The following VSTM4 variants were observed in gnomAD, a reference collection of about 807,000 sequenced individuals.
VSTM4 encodes V-set and transmembrane domain containing 4.
VSTM4 carries 20 observed loss-of-function variants against 36.4 expected under a neutral mutation model. The ratio of observed to expected loss-of-function variants is 0.55; its 90% CI spans 0.39 to 0.80. The LOEUF (loss-of-function observed/expected upper bound fraction) is 0.80, where lower values mean the gene tolerates loss of function less well. Among genes scored for constraint, VSTM4 ranks in the 30% least tolerant of loss-of-function variants. The pLI is 0.00. For synonymous variants in VSTM4, 182 were observed against 173.9 expected (o/e 1.05, Z -0.37); for missense variants, 392 against 404.5 (o/e 0.97, Z 0.26).
chr10:49,031,175 A>G (rs910483524), intron 7 of VSTM4, among the ~76,000 whole-genome samples: 1 of 152,230 alleles, frequency 6.6e-6, no homozygotes, highest in Non-Finnish European at 1.5e-5. Flanking sequence ...ATCAACTGCA[A>G]TCTTTAACAC....
intron 7 of VSTM4, among the ~76,000 whole-genome samples, chr10:49,041,297 AT>A (rs1423316435): frequency 6.6e-6 from 1 of 152,196 alleles, no homozygotes; most frequent in Non-Finnish European, 1.5e-5. Context: ...TAGCTTCCAA[AT>A]TGACCTTGCT....
At chr10:49,051,112 A>G (rs1843690932) in intron 5 of VSTM4, among the ~76,000 whole-genome samples, 2 of 152,156 alleles carry the variant, frequency 1.3e-5, no homozygotes, top group South Asian at 2.1e-4. Context: ...AGTATATTCT[A>G]TGGGTTTGGA....
intron 2 of VSTM4, among the ~76,000 whole-genome samples, chr10:49,092,548 G>A (rs1032793260): frequency 2.0e-5 from 3 of 152,198 alleles, no homozygotes; most frequent in Admixed American, 2.0e-4. Flanking sequence ...TGATACGGGA[G>A]TGCTGGGAAG....
At chr10:49,032,381 C>A (rs779022780) in intron 7 of VSTM4, among the ~76,000 whole-genome samples, 1 of 152,170 alleles carries the variant, frequency 6.6e-6, no homozygotes. Context: ...CATCCAGGGC[C>A]GTGTGGATAA....
intron 6 of VSTM4, among the ~76,000 whole-genome samples, chr10:49,047,699 T>A (rs997945112): frequency 2.0e-5 from 3 of 152,102 alleles, no homozygotes; most frequent in African/African-American, 7.2e-5. Flanking sequence ...CCCCCTGCAG[T>A]ACAACCACAC....
chr10:49,087,903 T>TATATATATACATATGTAA (rs1330734920), intron 2 of VSTM4, among the ~76,000 whole-genome samples: 1 of 147,302 alleles, frequency 6.8e-6, no homozygotes, highest in Admixed American at 6.8e-5. Context: ...ATTATATATG[T>TATATATATACATATGTAA]TATATATGTA....
At chr10:49,108,495 C>T (rs530937331) in intron 1 of VSTM4, among the ~76,000 whole-genome samples, 1 of 152,280 alleles carries the variant, frequency 6.6e-6, no homozygotes, top group East Asian at 1.9e-4. Context: ...AGGGCCCTCT[C>T]TCTGGTGGCC....
chr10:49,107,605 G>A lies in VSTM4; in HGVS notation c.446C>T (p.Thr149Met), dbSNP rs758267293. The A allele has an allele frequency of 1.3e-5, 21 of 1,604,482 alleles. No homozygotes were observed. The highest frequency in any genetic ancestry group is 6.7e-5 in the Admixed American group (4 of 59,696). ...WTAWSNGSSA[T>M]EMRVISLKAS... ...ACCAAGACCCTCACCTCTCATTTCC[G>A]TGGCTGAGGAGCCATTGGACCAGGC... The change falls in exon 2 of 8, where the codon ACG (threonine) becomes ATG (methionine). Residue 149 changes from threonine (T) to methionine (M), a missense_variant. Physicochemically the swap from Thr to Met is moderately conservative, Grantham distance 81. Transcript: ENST00000332853.
chr10:49,083,588 C>T (rs550605647), intron 3 of VSTM4, among the ~76,000 whole-genome samples: 1 of 152,162 alleles, frequency 6.6e-6, no homozygotes, highest in Admixed American at 6.5e-5. Context: ...AGCGAGAATG[C>T]CAGTTCTGCT....
chr10:49,085,753 A>C (rs1274348539), intron 3 of VSTM4, among the ~76,000 whole-genome samples: 1 of 151,670 alleles, frequency 6.6e-6, no homozygotes, highest in Non-Finnish European at 1.5e-5. Context: ...GGTGGGGGAA[A>C]GGGGGAGGGA....
Position 49,019,856 on chromosome 10 carries a change from C to T in VSTM4, c.838-81G>A, listed in dbSNP as rs1348688651. ...ATCACACATTCATTCATCAAGTATG[C>T]ATGTTCATAGCATTTTGGGATTCAG... is the stretch of plus-strand genomic sequence containing the variant. On this transcript the variant is annotated intron_variant, in intron 7 of 7. Transcript: ENST00000332853. 14 of 1,508,268 alleles carry T rather than the reference C, an allele frequency of 9.3e-6. No homozygotes were observed. In the Admixed American group the frequency reaches 2.2e-4, roughly 24 times the overall value. The allele number at this position is 1,508,268 out of a possible 1,614,324, so 93.4% of individuals were successfully genotyped here. A position where few individuals can be genotyped will look rare whatever the true frequency, so the allele number is the denominator to read the frequency against.
chr10:49,030,661 T>G (rs1442365386), intron 7 of VSTM4, among the ~76,000 whole-genome samples: 4 of 152,222 alleles, frequency 2.6e-5, no homozygotes, highest in Non-Finnish European at 5.9e-5. Flanking sequence ...CTCAGGTCCT[T>G]GAGTCCAAAA....
intron 4 of VSTM4, among the ~76,000 whole-genome samples, chr10:49,070,489 T>C (rs80310439): frequency 0.018 from 2,737 of 152,240 alleles, 53 homozygotes; most frequent in African/African-American, 0.048. Flanking sequence ...TTCACTTGTC[T>C]GAGCAGCTGG....
At chr10:49,046,812 T>C (rs1311643530) in intron 7 of VSTM4, among the ~76,000 whole-genome samples, 171 bp downstream of exon 7, 1 of 152,224 alleles carries the variant, frequency 6.6e-6, no homozygotes, top group Non-Finnish European at 1.5e-5. Context: ...GAACTAAGTA[T>C]GGAGAAAGGC....
intron 5 of VSTM4, chr10:49,064,429 G>A (rs1843935451): frequency 2.3e-6 from 1 of 441,034 alleles, no homozygotes. Context: ...TCCTAAACTG[G>A]GGAGCAGCTC....
intron 5 of VSTM4, 129 bp downstream of exon 5, chr10:49,064,574 C>T (rs1843938479): frequency 9.4e-7 from 1 of 1,060,058 alleles, no homozygotes; most frequent in Non-Finnish European, 1.4e-6. Context: ...TACACATTTG[C>T]AGGCATATTT....
chr10:49,093,093 C>G (rs1335350875), intron 2 of VSTM4, among the ~76,000 whole-genome samples: 1 of 152,164 alleles, frequency 6.6e-6, no homozygotes, highest in Non-Finnish European at 1.5e-5. Context: ...TCTTCCAGTA[C>G]ACCAAGGCAC....
chr10:49,034,910 T>C (rs1213028259), intron 7 of VSTM4, among the ~76,000 whole-genome samples: 2 of 152,150 alleles, frequency 1.3e-5, no homozygotes, highest in African/African-American at 2.4e-5. Context: ...ATTTCAAAAA[T>C]AAAATGCAGA....
chr10:49,071,550 A>G (rs1687907571), intron 4 of VSTM4, among the ~76,000 whole-genome samples: 1 of 152,222 alleles, frequency 6.6e-6, no homozygotes, highest in Non-Finnish European at 1.5e-5. Flanking sequence ...GCGCCCTTAG[A>G]GGCAAAGCAG....
Sources: gnomAD v4.1 joint callset for allele counts (sites outside exome capture counted in the v4.1 genomes callset) on GRCh38, gnomAD v4.1.1 for gene constraint, MANE v1.5 for transcripts, NCBI Gene and HGNC (gene_info 2026-07-23, HGNC 2026-07-21) for gene names.